TSPAN5: variants seen among roughly 807,000 people sequenced by gnomAD.
TSPAN5 encodes tetraspanin 5.
Under a neutral mutation model 37.1 loss-of-function variants are expected in TSPAN5, and 10 were observed. That is an observed-to-expected ratio of 0.27 (90% CI 0.17 to 0.46). The LOEUF is 0.46. Ranked by LOEUF, TSPAN5 falls within the 20% of genes least tolerant of loss-of-function variation. The pLI is 1.00. For missense variants in TSPAN5, 195 were observed against 326.6 expected, an observed-to-expected ratio of 0.60 and a Z score of 3.11; for synonymous variants, 110 against 118.9, an observed-to-expected ratio of 0.93 and a Z score of 0.48.
intron 2 of TSPAN5, among the ~76,000 whole-genome samples, chr4:98,492,515 A>G (rs1392472604): frequency 1.3e-5 from 2 of 152,144 alleles, no homozygotes; most frequent in African/African-American, 4.8e-5. Flanking sequence ...ACAACACAAA[A>G]GCTTTGAATA....
chr4:98,558,346 T>TA (rs1441046008), intron 1 of TSPAN5, among the ~76,000 whole-genome samples: 1 of 152,154 alleles, frequency 6.6e-6, no homozygotes, highest in African/African-American at 2.4e-5. Flanking sequence ...AACTTTCCTG[T>TA]AAATATAAAA....
At chr4:98,505,712 T>C (rs754556454) in intron 2 of TSPAN5, among the ~76,000 whole-genome samples, 6 of 152,196 alleles carry the variant, frequency 3.9e-5, no homozygotes, top group Non-Finnish European at 5.9e-5. Context: ...GCATCCCTCA[T>C]TGTCGTATTC....
At chr4:98,515,874 G>A (rs1280994023) in intron 1 of TSPAN5, among the ~76,000 whole-genome samples, 1 of 152,116 alleles carries the variant, frequency 6.6e-6, no homozygotes, top group Non-Finnish European at 1.5e-5. Flanking sequence ...TAGCAACCTA[G>A]TTCATGAATT....
chr4:98,632,094 T>C (rs1756761771), intron 1 of TSPAN5, among the ~76,000 whole-genome samples: 1 of 152,152 alleles, frequency 6.6e-6, no homozygotes. Context: ...AATAGTGTCC[T>C]TGACCCCTTC....
chr4:98,592,428 G>GTT (rs35941064), intron 1 of TSPAN5, among the ~76,000 whole-genome samples: 161 of 119,098 alleles, frequency 1.4e-3, no homozygotes, highest in African/African-American at 3.9e-3. Context: ...TCTGTTTTTT[G>GTT]TTTTTTTTTT....
chr4:98,517,775 C>T (rs1560520293), intron 1 of TSPAN5, among the ~76,000 whole-genome samples: 1 of 152,098 alleles, frequency 6.6e-6, no homozygotes, highest in Non-Finnish European at 1.5e-5. Context: ...ATGGAGGCTG[C>T]AAGTTTACAG....
chr4:98,588,399 A>T (rs951286167), intron 1 of TSPAN5, among the ~76,000 whole-genome samples: 2 of 152,326 alleles, frequency 1.3e-5, no homozygotes, highest in South Asian at 4.1e-4. Context: ...GTTCAAAAAA[A>T]AAAAAAGTTA....
chr4:98,533,236 A>G (rs2110131300), intron 1 of TSPAN5, among the ~76,000 whole-genome samples: 1 of 152,070 alleles, frequency 6.6e-6, no homozygotes, highest in African/African-American at 2.4e-5. Flanking sequence ...CTCTTTTTCT[A>G]TAGTTTGGAA....
intron 1 of TSPAN5, among the ~76,000 whole-genome samples, chr4:98,538,073 T>C (rs1443570055): frequency 6.6e-6 from 1 of 152,192 alleles, no homozygotes; most frequent in East Asian, 1.9e-4. Flanking sequence ...TGGGCACAGT[T>C]TTCCCTGCAT....
chr4:98,476,532 G>A (rs1157025525), intron 5 of TSPAN5, 72 bp from the exon 6 acceptor site: 14 of 1,448,196 alleles, frequency 9.7e-6, no homozygotes, highest in Non-Finnish European at 1.4e-5. Flanking sequence ...ATGAGCAGAA[G>A]ACTTCTGTTA....
chr4:98,503,537 G>A (rs2110282413), intron 2 of TSPAN5, among the ~76,000 whole-genome samples: 1 of 152,308 alleles, frequency 6.6e-6, no homozygotes, highest in Non-Finnish European at 1.5e-5. Context: ...GAATCAATGA[G>A]TGAAAACTAG....
At chr4:98,598,558 G>A (rs929251933) in intron 1 of TSPAN5, among the ~76,000 whole-genome samples, 15 of 151,870 alleles carry the variant, frequency 9.9e-5, no homozygotes, top group Admixed American at 2.6e-4. Flanking sequence ...TCCACCTCCC[G>A]GGCTCAAGCA....
intron 2 of TSPAN5, among the ~76,000 whole-genome samples, chr4:98,493,481 T>C (rs1369467074): frequency 6.6e-6 from 1 of 152,122 alleles, no homozygotes; most frequent in Non-Finnish European, 1.5e-5. Flanking sequence ...TCCGTTTTAG[T>C]TGACATATGA....
chr4:98,487,185 C>T (rs1196030231), intron 2 of TSPAN5, among the ~76,000 whole-genome samples: 1 of 148,850 alleles, frequency 6.7e-6, no homozygotes, highest in African/African-American at 2.5e-5. Flanking sequence ...AGGGAAACTG[C>T]TTTCTTTCCA....
intron 1 of TSPAN5, among the ~76,000 whole-genome samples, chr4:98,529,708 C>T (rs1173639736): frequency 6.6e-6 from 1 of 152,196 alleles, no homozygotes; most frequent in African/African-American, 2.4e-5. Context: ...ATTGGCAATA[C>T]AGTTTCTCCT....
intron 2 of TSPAN5, among the ~76,000 whole-genome samples, chr4:98,493,129 A>T (rs1753121250): frequency 6.6e-6 from 1 of 152,236 alleles, no homozygotes; most frequent in Non-Finnish European, 1.5e-5. Context: ...GTGAGCCATG[A>T]TCACATCACT....
chr4:98,475,841 T>A (rs1752681483), intron 7 of TSPAN5, among the ~76,000 whole-genome samples: 1 of 151,748 alleles, frequency 6.6e-6, no homozygotes, highest in Non-Finnish European at 1.5e-5. Flanking sequence ...TACAAAAAAA[T>A]TAGCCGGGCG....
At chr4:98,634,284 A>G (rs1211442416) in intron 1 of TSPAN5, among the ~76,000 whole-genome samples, 2 of 152,176 alleles carry the variant, frequency 1.3e-5, no homozygotes, top group East Asian at 3.9e-4. Context: ...GCTCTTCCAT[A>G]TGCTATCTCT....
intron 1 of TSPAN5, among the ~76,000 whole-genome samples, chr4:98,538,508 C>T (rs1754288214): frequency 6.6e-6 from 1 of 152,228 alleles, no homozygotes; most frequent in Non-Finnish European, 1.5e-5. Flanking sequence ...GAGTCACATC[C>T]ATATGACTAC....
Sources: gnomAD v4.1 joint callset for allele counts (sites outside exome capture counted in the v4.1 genomes callset) on GRCh38, gnomAD v4.1.1 for gene constraint, MANE v1.5 for transcripts, NCBI Gene and HGNC (gene_info 2026-07-23, HGNC 2026-07-21) for gene names.